The following DTD1 variants were observed in gnomAD, a reference collection of about 807,000 sequenced individuals.
The protein encoded by DTD1 is D-aminoacyl-tRNA deacylase 1, also known as D-tyrosyl-tRNA deacylase 1 homolog.
DTD1 carries 13 observed loss-of-function variants against 25.6 expected under a neutral mutation model. The ratio of observed to expected loss-of-function variants is 0.51; its 90% CI spans 0.33 to 0.81. The LOEUF is 0.81. Among genes scored for constraint, DTD1 ranks in the 30% least tolerant of loss-of-function variants. The pLI, the probability that DTD1 is intolerant of heterozygous loss-of-function variation, is 0.02. For missense variants in DTD1, 193 were observed against 266.4 expected, an observed-to-expected ratio of 0.72 and a Z score of 1.92; for synonymous variants, 110 against 103.6, an observed-to-expected ratio of 1.06 and a Z score of -0.37.
At chr20:18,647,786 C>T (rs905645894) in intron 4 of DTD1, among the ~76,000 whole-genome samples, 1 of 152,114 alleles carries the variant, frequency 6.6e-6, no homozygotes, top group Non-Finnish European at 1.5e-5. Context: ...AGAAGTCGTC[C>T]TCAGCTGTGA....
intron 5 of DTD1, among the ~76,000 whole-genome samples, chr20:18,748,339 AT>A (rs1185565941): frequency 2.0e-5 from 3 of 152,182 alleles, no homozygotes; most frequent in Non-Finnish European, 4.4e-5. Context: ...TTTTTGCTTT[AT>A]ATCTGATCAG....
intron 3 of DTD1, among the ~76,000 whole-genome samples, chr20:18,614,896 C>T (rs890810993): frequency 5.9e-5 from 9 of 151,834 alleles, no homozygotes; most frequent in Non-Finnish European, 8.8e-5. Flanking sequence ...CCTTCTAAAA[C>T]GGCCGCAGTG....
chr20:18,656,607 C>T (rs2047676769), intron 4 of DTD1, among the ~76,000 whole-genome samples: 1 of 152,182 alleles, frequency 6.6e-6, no homozygotes, highest in Admixed American at 6.5e-5. Flanking sequence ...CTATGTCTGC[C>T]TCGCTCCTCT....
intron 4 of DTD1, among the ~76,000 whole-genome samples, chr20:18,629,041 G>T (rs1341772384): frequency 1.6e-4 from 23 of 145,204 alleles, no homozygotes; most frequent in African/African-American, 5.4e-4. Context: ...TTGTTGCCCA[G>T]GCTGGAGCAC....
At chr20:18,634,121 C>G (rs192284065) in intron 4 of DTD1, among the ~76,000 whole-genome samples, 38 of 152,324 alleles carry the variant, frequency 2.5e-4, no homozygotes, top group African/African-American at 7.7e-4. Flanking sequence ...TTATTATTAC[C>G]TAGTGCATGA....
At chr20:18,595,893 G>A (rs937256189) in intron 2 of DTD1, 113 bp from the exon 3 acceptor site, 1 of 853,108 alleles carries the variant, frequency 1.2e-6, no homozygotes. Flanking sequence ...GTCAGGGATG[G>A]AGTCATCATT....
chr20:18,735,340 G>A (rs1359718458), intron 4 of DTD1, among the ~76,000 whole-genome samples: 2 of 152,230 alleles, frequency 1.3e-5, no homozygotes, highest in African/African-American at 4.8e-5. Flanking sequence ...TGCTGTCCTG[G>A]ACCTGTGGCA....
chr20:18,727,460 T>TC (rs78069506), intron 4 of DTD1, among the ~76,000 whole-genome samples: 52,718 of 151,684 alleles, frequency 0.35, 9,476 homozygotes, highest in Non-Finnish European at 0.4. Context: ...TGGGTGGACT[T>TC]CTGTAACACC....
chr20:18,609,569 T>C (rs1018536178), intron 3 of DTD1, among the ~76,000 whole-genome samples: 1 of 152,188 alleles, frequency 6.6e-6, no homozygotes, highest in African/African-American at 2.4e-5. Context: ...TGAAATTTTT[T>C]TGAAGCTCTG....
At chr20:18,720,400 G>T (rs1394588008) in intron 4 of DTD1, among the ~76,000 whole-genome samples, 1 of 152,200 alleles carries the variant, frequency 6.6e-6, no homozygotes, top group Non-Finnish European at 1.5e-5. Context: ...CTTCCTTAGA[G>T]AAGATAAACT....
At chr20:18,643,322 T>C (rs913647092) in intron 4 of DTD1, 1 of 285,348 alleles carries the variant, frequency 3.5e-6, no homozygotes, top group Non-Finnish European at 7.3e-6. Flanking sequence ...CTGTAGGTAG[T>C]ACGACACCGT....
At chr20:18,754,257 C>A (rs1333955591) in intron 5 of DTD1, among the ~76,000 whole-genome samples, 1 of 152,174 alleles carries the variant, frequency 6.6e-6, no homozygotes, top group African/African-American at 2.4e-5. Context: ...CCTGGTCTGG[C>A]CTCACTGGAG....
chr20:18,589,121 C>T (rs190666409), intron 1 of DTD1, among the ~76,000 whole-genome samples: 3 of 152,242 alleles, frequency 2.0e-5, no homozygotes, highest in Admixed American at 1.3e-4. Flanking sequence ...GAGGCCAAGG[C>T]GGGCAGATCA....
intron 4 of DTD1, among the ~76,000 whole-genome samples, chr20:18,718,026 C>T (rs2061188298): frequency 6.6e-6 from 1 of 152,162 alleles, no homozygotes; most frequent in Non-Finnish European, 1.5e-5. Context: ...GTTTGGGAGC[C>T]TCTTGGGAAA....
At chr20:18,708,475 C>T (rs548465432) in intron 4 of DTD1, among the ~76,000 whole-genome samples, 47 of 147,500 alleles carry the variant, frequency 3.2e-4, no homozygotes, top group African/African-American at 9.3e-4. Flanking sequence ...CGTGCCTCAG[C>T]CTCCCAAGTA....
intron 4 of DTD1, among the ~76,000 whole-genome samples, chr20:18,693,794 G>A (rs1432151784): frequency 6.6e-6 from 1 of 152,078 alleles, no homozygotes; most frequent in Non-Finnish European, 1.5e-5. Flanking sequence ...TCTCAGTGAG[G>A]TATTCACAGA....
intron 4 of DTD1, chr20:18,631,378 A>G: frequency 1.0e-6 from 1 of 985,606 alleles, no homozygotes; most frequent in Non-Finnish European, 1.2e-6. Flanking sequence ...GTGGGTCTAG[A>G]CTGACCTGGG....
At chr20:18,610,491 T>C (rs2060682272) in intron 3 of DTD1, among the ~76,000 whole-genome samples, 1 of 152,252 alleles carries the variant, frequency 6.6e-6, no homozygotes, top group Non-Finnish European at 1.5e-5. Context: ...GCTCATGGTG[T>C]ATAATACATC....
intron 4 of DTD1, among the ~76,000 whole-genome samples, chr20:18,676,398 T>TA (rs1568665697): frequency 5.9e-5 from 9 of 152,138 alleles, no homozygotes; most frequent in African/African-American, 1.7e-4. Context: ...CCTTGTTTTT[T>TA]TAAAAAAGTC....
Sources: allele counts gnomAD v4.1 joint callset (sites outside exome capture counted in the v4.1 genomes callset), GRCh38; gene constraint gnomAD v4.1.1; transcripts MANE v1.5; gene names NCBI Gene and HGNC (gene_info 2026-07-23, HGNC 2026-07-21).